The following RGS6 variants were observed in gnomAD, a reference collection of about 807,000 sequenced individuals.
RGS6 encodes the protein regulator of G-protein signaling 6.
RGS6 carries 30 observed loss-of-function variants against 78.5 expected under a neutral mutation model. The ratio of observed to expected loss-of-function variants is 0.38; its 90% confidence interval spans 0.29 to 0.52. The LOEUF (loss-of-function observed/expected upper bound fraction) is 0.52. RGS6 is among the 20% of genes least tolerant of loss of function. The probability of loss-of-function intolerance (pLI) is 0.85; values close to 1 mark genes in which losing one functional copy is unlikely to be tolerated. For missense variants in RGS6, 495 were observed against 609.7 expected, an observed-to-expected ratio of 0.81 and a Z score of 1.98; for synonymous variants, 206 against 206.0, an observed-to-expected ratio of 1.00 and a Z score of 0.00.
At chr14:72,385,252 C>A (rs551481964) in intron 3 of RGS6, among the ~76,000 whole-genome samples, 1 of 152,056 alleles carries the variant, frequency 6.6e-6, no homozygotes, top group African/African-American at 2.4e-5. Flanking sequence ...ACATCCTTTG[C>A]GGTTATCTCA....
chr14:72,518,161 G>A (rs1464885819), intron 14 of RGS6, among the ~76,000 whole-genome samples, 190 bp from the exon 15 acceptor site: 1 of 152,186 alleles, frequency 6.6e-6, no homozygotes, highest in Non-Finnish European at 1.5e-5. Context: ...ATTCTTTTCT[G>A]TTCTGCACCA....
intron 2 of RGS6, among the ~76,000 whole-genome samples, chr14:72,131,250 G>C (rs1175258581): frequency 1.3e-5 from 2 of 152,126 alleles, no homozygotes; most frequent in Non-Finnish European, 2.9e-5. Context: ...TGGATTTTTG[G>C]CATCGTTATC....
At chr14:72,417,076 T>G (rs2093868031) in intron 3 of RGS6, among the ~76,000 whole-genome samples, 1 of 152,170 alleles carries the variant, frequency 6.6e-6, no homozygotes, top group Non-Finnish European at 1.5e-5. Context: ...ACGTCACCCT[T>G]CAGGGATTTA....
chr14:72,326,480 AGTGAGT>A (rs1362503243), intron 2 of RGS6, among the ~76,000 whole-genome samples: 12 of 151,968 alleles, frequency 7.9e-5, no homozygotes, highest in Non-Finnish European at 1.8e-4. Flanking sequence ...TGCAATAGTG[AGTGAGT>A]GCTCACAAGA....
chr14:72,019,099 T>C (rs1450647913), intron 2 of RGS6, among the ~76,000 whole-genome samples: 7 of 152,182 alleles, frequency 4.6e-5, no homozygotes, highest in Non-Finnish European at 1.0e-4. Flanking sequence ...TGAAGTCCTT[T>C]GATATTAGCT....
At chr14:71,985,175 G>A (rs893740690) in intron 2 of RGS6, among the ~76,000 whole-genome samples, 1 of 152,164 alleles carries the variant, frequency 6.6e-6, no homozygotes, top group African/African-American at 2.4e-5. Context: ...CCAGGCTGGA[G>A]TGCAGTGGTG....
chr14:72,458,803 T>A (rs909884046), intron 5 of RGS6, among the ~76,000 whole-genome samples: 5 of 152,184 alleles, frequency 3.3e-5, no homozygotes, highest in Non-Finnish European at 5.9e-5. Flanking sequence ...GACCTGGGGC[T>A]TATATCAGAC....
chr14:72,394,151 G>A (rs8018733), intron 3 of RGS6, among the ~76,000 whole-genome samples: 26,826 of 151,994 alleles, frequency 0.18, 3,128 homozygotes, highest in South Asian at 0.33. Flanking sequence ...GTAAGCGTCG[G>A]CCGGTCTGAG....
At chr14:71,973,557 C>T (rs574207202) in intron 2 of RGS6, among the ~76,000 whole-genome samples, 4 of 152,130 alleles carry the variant, frequency 2.6e-5, no homozygotes, top group Non-Finnish European at 5.9e-5. Flanking sequence ...TGGTGGCACA[C>T]GCCTGTAATC....
At chr14:72,158,608 C>T (rs1347394852) in intron 2 of RGS6, among the ~76,000 whole-genome samples, 2 of 152,174 alleles carry the variant, frequency 1.3e-5, no homozygotes, top group African/African-American at 2.4e-5. Context: ...TTCGTCACCT[C>T]CTGGTACCTG....
chr14:72,443,202 A>G (rs1288089452), intron 3 of RGS6, among the ~76,000 whole-genome samples: 1 of 152,320 alleles, frequency 6.6e-6, no homozygotes, highest in Middle Eastern at 3.4e-3. Context: ...GTCTTTACCT[A>G]CATTTCCTCA....
the RGS6 span, among the ~76,000 whole-genome samples, chr14:71,907,877 A>G: frequency 1.3e-5 from 2 of 152,174 alleles, no homozygotes; most frequent in African/African-American, 4.8e-5. Context: ...AGGAGCCTAA[A>G]GGTAGCATAC....
At chr14:71,998,124 A>G (rs1354523451) in intron 2 of RGS6, among the ~76,000 whole-genome samples, 1 of 152,138 alleles carries the variant, frequency 6.6e-6, no homozygotes, top group Non-Finnish European at 1.5e-5. Context: ...TCGGTGTGGA[A>G]AGGTGGGACG....
At chr14:71,982,861 G>T (rs943062714) in intron 2 of RGS6, among the ~76,000 whole-genome samples, 5 of 152,144 alleles carry the variant, frequency 3.3e-5, no homozygotes, top group African/African-American at 9.7e-5. Flanking sequence ...CATCAGGAGG[G>T]TGTTTCTGAA....
At chr14:71,974,181 T>A (rs747442685) in intron 2 of RGS6, among the ~76,000 whole-genome samples, 1 of 151,990 alleles carries the variant, frequency 6.6e-6, no homozygotes, top group Admixed American at 6.6e-5. Flanking sequence ...AATTCCCTAT[T>A]GGCAGGATTT....
chr14:72,478,489 C>G (rs975652158), intron 12 of RGS6, among the ~76,000 whole-genome samples, 160 bp downstream of exon 12: 2 of 152,156 alleles, frequency 1.3e-5, no homozygotes, highest in African/African-American at 4.8e-5. Flanking sequence ...GTGAGTATAA[C>G]TAAGATAACA....
chr14:72,556,755 T>G (rs1431747024), intron 17 of RGS6, among the ~76,000 whole-genome samples: 2 of 152,232 alleles, frequency 1.3e-5, no homozygotes, highest in East Asian at 3.8e-4. Context: ...AATTTATTAT[T>G]TTTTAAACAG....
intron 2 of RGS6, among the ~76,000 whole-genome samples, chr14:72,110,368 A>T (rs1008505008): frequency 6.6e-6 from 1 of 152,048 alleles, no homozygotes; most frequent in African/African-American, 2.4e-5. Context: ...CAAATAATAC[A>T]CTCTCTTCTC....
intron 3 of RGS6, among the ~76,000 whole-genome samples, chr14:72,453,209 G>C (rs985183906): frequency 3.3e-5 from 5 of 152,146 alleles, no homozygotes; most frequent in Middle Eastern, 3.2e-3. Flanking sequence ...GGGTAGGGGG[G>C]AGTTTGTGAG....
Sources: gnomAD v4.1 joint callset for allele counts (sites outside exome capture counted in the v4.1 genomes callset) on GRCh38, gnomAD v4.1.1 for gene constraint, MANE v1.5 for transcripts, NCBI Gene and HGNC (gene_info 2026-07-23, HGNC 2026-07-21) for gene names.